Variants in GLIS3 observed in about 807,000 individuals in gnomAD.
GLIS3 encodes zinc finger protein GLIS3.
Under a neutral mutation model 78.6 loss-of-function variants are expected in GLIS3, and 53 were observed. That is an observed-to-expected ratio of 0.67 (90% confidence interval 0.54 to 0.85). The LOEUF is 0.85. GLIS3 is among the 40% of genes least tolerant of loss of function. GLIS3 has a pLI of 0.00. For synonymous variants in GLIS3, 684 were observed against 509.9 expected (o/e 1.34, Z -4.60); for missense variants, 1,703 against 1,231.1 (o/e 1.38, Z -5.74).
chr9:4,351,684 G>T (rs936974617), upstream of GLIS3, among the ~76,000 whole-genome samples: 2 of 152,098 alleles, frequency 1.3e-5, no homozygotes, highest in Non-Finnish European at 2.9e-5. Flanking sequence ...TTAAAAAAAT[G>T]TTGTTTTTCC....
At chr9:4,422,770 G>A in the GLIS3 span, among the ~76,000 whole-genome samples, 2 of 152,176 alleles carry the variant, frequency 1.3e-5, no homozygotes, top group East Asian at 1.9e-4. Context: ...TGCTGGGGGC[G>A]GGGCAGCCCA....
the GLIS3 span, among the ~76,000 whole-genome samples, chr9:4,466,469 G>C: frequency 6.6e-6 from 1 of 152,138 alleles, no homozygotes; most frequent in Non-Finnish European, 1.5e-5. Flanking sequence ...AATCCAAAAC[G>C]AGACAAAGGC....
intron 4 of GLIS3, among the ~76,000 whole-genome samples, chr9:3,953,798 TATA>T (rs1563886725): frequency 0.015 from 1,542 of 103,696 alleles, 38 homozygotes; most frequent in African/African-American, 0.051. Context: ...TCTCTCTCTA[TATA>T]TATATATATA....
At chr9:4,437,603 C>A in the GLIS3 span, among the ~76,000 whole-genome samples, 741 of 152,298 alleles carry the variant, frequency 4.9e-3, 4 homozygotes, top group African/African-American at 0.017. Flanking sequence ...TAGTTGACCT[C>A]TGAACAACAT....
rs1475645380 is a variant in GLIS3 at position 4,118,162 on chromosome 9, C to T, written c.1316G>A (p.Ser439Asn). 3.2e-6 allele frequency: 5 copies of T among 1,564,472 alleles called. No individual in the cohort carries two copies. The South Asian group carries it at 6.0e-5, about 19-fold the overall frequency. Residue 439 changes from serine (S) to asparagine (N), a missense_variant, in exon 4 of 11, where the codon AGC becomes AAC. Coordinates refer to ENST00000381971, the MANE Select transcript of GLIS3 (RefSeq NM_001042413.2). This position sits in a 1 kb window ranked among gnomAD's most constrained non-coding sequence, Gnocchi z 4.7. ...AGGCGCGGGGGGTAGGTCTACGGTGCTGCCCGGGAACTCCTCCAGGCGTTC... is the reference window on the plus strand; with the variant it reads ...AGGCGCGGGGGGTAGGTCTACGGTGTTGCCCGGGAACTCCTCCAGGCGTTC... ...KTERLEEFPG[S>N]TVDLPPAPPL... is the part of the protein sequence containing the mutation.
At chr9:4,221,468 G>C (rs1821323206) in intron 2 of GLIS3, among the ~76,000 whole-genome samples, 1 of 152,172 alleles carries the variant, frequency 6.6e-6, no homozygotes, top group African/African-American at 2.4e-5. Flanking sequence ...CCATGAATTA[G>C]CTGGAAAATA....
chr9:3,862,437 T>C (rs1351270401), intron 8 of GLIS3, among the ~76,000 whole-genome samples: 3 of 152,200 alleles, frequency 2.0e-5, no homozygotes, highest in Non-Finnish European at 2.9e-5. Context: ...TATATACCTT[T>C]AGTCTTTCTA....
chr9:4,484,241 TTTTTTTA>T, the GLIS3 span, among the ~76,000 whole-genome samples: 1 of 144,292 alleles, frequency 6.9e-6, no homozygotes, highest in Admixed American at 6.8e-5. Flanking sequence ...TTTTTTTTAT[TTTTTTTA>T]TTTTTTTGAG....
chr9:3,909,868 T>C (rs1824012963), intron 6 of GLIS3, among the ~76,000 whole-genome samples: 1 of 152,226 alleles, frequency 6.6e-6, no homozygotes, highest in Admixed American at 6.5e-5. Flanking sequence ...TGATAGCCAC[T>C]AGCCATGTGT....
chr9:4,082,755 C>T (rs1828666479), intron 4 of GLIS3, among the ~76,000 whole-genome samples: 1 of 152,298 alleles, frequency 6.6e-6, no homozygotes, highest in African/African-American at 2.4e-5. Flanking sequence ...TGTAACTCTC[C>T]ACTCTTTACT....
chr9:4,197,469 C>T (rs1432902296), intron 2 of GLIS3, among the ~76,000 whole-genome samples: 1 of 152,130 alleles, frequency 6.6e-6, no homozygotes, highest in African/African-American at 2.4e-5. Context: ...CTGCCCCCAC[C>T]CCCAACTCCA....
chr9:4,481,149 C>T, the GLIS3 span, among the ~76,000 whole-genome samples: 1 of 152,074 alleles, frequency 6.6e-6, no homozygotes, highest in Non-Finnish European at 1.5e-5. Flanking sequence ...AGCCACCTCA[C>T]CCAGCCCTAT....
At chr9:4,090,121 G>A (rs564950225) in intron 4 of GLIS3, among the ~76,000 whole-genome samples, 1 of 152,244 alleles carries the variant, frequency 6.6e-6, no homozygotes, top group African/African-American at 2.4e-5. Context: ...TGTCCCAGAA[G>A]TGGATCCCAT....
chr9:3,971,182 C>G (rs1440429881), intron 4 of GLIS3, among the ~76,000 whole-genome samples: 2 of 151,960 alleles, frequency 1.3e-5, no homozygotes, highest in African/African-American at 4.8e-5. Flanking sequence ...GGAGCAATGG[C>G]AAGATAGCCA....
At chr9:4,220,377 G>A (rs942999096) in intron 2 of GLIS3, among the ~76,000 whole-genome samples, 4 of 152,148 alleles carry the variant, frequency 2.6e-5, no homozygotes, top group East Asian at 1.9e-4. Flanking sequence ...TTGTAAATTC[G>A]TGGGCACGAA....
At chr9:4,016,011 C>T (rs1822405171) in intron 4 of GLIS3, among the ~76,000 whole-genome samples, 1 of 152,008 alleles carries the variant, frequency 6.6e-6, no homozygotes, top group East Asian at 1.9e-4. Flanking sequence ...TTATACATGC[C>T]TGTGGAATTC....
chr9:4,255,428 C>A (rs560167591), intron 2 of GLIS3, among the ~76,000 whole-genome samples: 1 of 152,276 alleles, frequency 6.6e-6, no homozygotes, highest in East Asian at 1.9e-4. Context: ...ATGTTTATAG[C>A]AACTTTATTC....
chr9:4,025,205 T>C (rs552571080), intron 4 of GLIS3, among the ~76,000 whole-genome samples: 2 of 151,276 alleles, frequency 1.3e-5, no homozygotes, highest in Admixed American at 6.6e-5. Flanking sequence ...TGAGCCAAGA[T>C]GGCGGCACTG....
chr9:4,018,671 G>A (rs1049256025), intron 4 of GLIS3, among the ~76,000 whole-genome samples: 5 of 152,122 alleles, frequency 3.3e-5, no homozygotes, highest in Admixed American at 3.3e-4. Context: ...CCTAAACTCT[G>A]AGATATGATA....
Sources: gnomAD v4.1 joint callset for allele counts (sites outside exome capture counted in the v4.1 genomes callset) on GRCh38, gnomAD v4.1.1 for gene constraint, Gnocchi (gnomAD v3.1) non-coding constraint, MANE v1.5 for transcripts, NCBI Gene and HGNC (gene_info 2026-07-23, HGNC 2026-07-21) for gene names.